Variants in ITPR2 observed in about 807,000 individuals in gnomAD.
ITPR2 encodes the protein inositol 1,4,5-trisphosphate-gated calcium channel ITPR2.
A neutral mutation model predicts 317.1 loss-of-function variants in ITPR2; 207 were observed. That is an observed-to-expected ratio of 0.65 (90% CI 0.58 to 0.73). The LOEUF (loss-of-function observed/expected upper bound fraction) is 0.73, where lower values mean the gene tolerates loss of function less well. Among genes scored for constraint, ITPR2 ranks in the 30% least tolerant of loss-of-function variants. The pLI is 0.00. For missense variants in ITPR2, 2,613 were observed against 3,284.0 expected, an observed-to-expected ratio of 0.80 and a Z score of 4.99; for synonymous variants, 1,156 against 1,149.1, an observed-to-expected ratio of 1.01 and a Z score of -0.12.
chr12:26,341,551 A>G (rs1208618331), intron 55 of ITPR2, among the ~76,000 whole-genome samples: 1 of 152,142 alleles, frequency 6.6e-6, no homozygotes, highest in East Asian at 1.9e-4. Flanking sequence ...ATAGTTCCCT[A>G]CCCCCAATGG....
chr12:26,342,602 T>TTTTG (rs555336392), intron 55 of ITPR2, among the ~76,000 whole-genome samples: 8 of 151,762 alleles, frequency 5.3e-5, no homozygotes, highest in African/African-American at 1.5e-4. Context: ...TGTTTTTGTT[T>TTTTG]TTTGTTTGTT....
chr12:26,585,352 A>C (rs775131593), intron 32 of ITPR2, among the ~76,000 whole-genome samples: 2 of 152,214 alleles, frequency 1.3e-5, no homozygotes, highest in African/African-American at 2.4e-5. Context: ...GATATATAAT[A>C]ATTTATTTAA....
intron 5 of ITPR2, among the ~76,000 whole-genome samples, chr12:26,717,441 C>A (rs539612008): frequency 1.3e-3 from 195 of 152,322 alleles, no homozygotes; most frequent in Non-Finnish European, 2.3e-3. Context: ...AGCTCACCAA[C>A]CAAACAAAGA....
intron 45 of ITPR2, among the ~76,000 whole-genome samples, chr12:26,466,258 TG>T (rs1311885195): frequency 2.0e-5 from 3 of 152,256 alleles, no homozygotes; most frequent in African/African-American, 7.2e-5. Context: ...TTCTGCAGAA[TG>T]GTTCTGTCCA....
At chr12:26,788,334 T>A (rs904069473) in intron 2 of ITPR2, among the ~76,000 whole-genome samples, 1 of 152,206 alleles carries the variant, frequency 6.6e-6, no homozygotes, top group African/African-American at 2.4e-5. Flanking sequence ...TCTACTCCCA[T>A]TAGCCAATGA....
At chr12:26,340,978 T>C (rs549312675) in intron 55 of ITPR2, among the ~76,000 whole-genome samples, 50 of 152,232 alleles carry the variant, frequency 3.3e-4, no homozygotes, top group African/African-American at 1.2e-3. Flanking sequence ...GCAGCCTGGG[T>C]GTATGTAGGT....
At chr12:26,537,259 G>A (rs1944122743) in intron 37 of ITPR2, among the ~76,000 whole-genome samples, 1 of 152,190 alleles carries the variant, frequency 6.6e-6, no homozygotes, top group Non-Finnish European at 1.5e-5. Context: ...AAGAGAGTGG[G>A]CAGTGGGCCT....
intron 2 of ITPR2, among the ~76,000 whole-genome samples, chr12:26,778,388 G>A (rs1320806776): frequency 6.6e-6 from 1 of 152,234 alleles, no homozygotes. Flanking sequence ...CTTAGAGAAT[G>A]ACAGTGGATT....
intron 37 of ITPR2, among the ~76,000 whole-genome samples, chr12:26,518,874 T>G (rs902904119): frequency 2.0e-5 from 3 of 152,090 alleles, no homozygotes; most frequent in African/African-American, 4.8e-5. Flanking sequence ...AAAAATTAAA[T>G]GATCACAAGA....
At chr12:26,369,775 G>T (rs1939128222) in intron 55 of ITPR2, among the ~76,000 whole-genome samples, 1 of 152,172 alleles carries the variant, frequency 6.6e-6, no homozygotes, top group African/African-American at 2.4e-5. Context: ...CAGGAGAGAG[G>T]CTGGTCACCA....
At chr12:26,562,437 G>A (rs746298164) in intron 34 of ITPR2, among the ~76,000 whole-genome samples, 12 of 152,260 alleles carry the variant, frequency 7.9e-5, no homozygotes, top group East Asian at 1.9e-4. Flanking sequence ...CACTCTTCCC[G>A]AGATCTGCTC....
chr12:26,593,522 G>A (rs956492046), intron 32 of ITPR2, among the ~76,000 whole-genome samples: 1 of 152,180 alleles, frequency 6.6e-6, no homozygotes, highest in South Asian at 2.1e-4. Context: ...GGTGATTCCT[G>A]TCAACCCTGG....
intron 2 of ITPR2, among the ~76,000 whole-genome samples, chr12:26,738,097 T>C (rs1418049661): frequency 6.6e-6 from 1 of 152,182 alleles, no homozygotes; most frequent in Non-Finnish European, 1.5e-5. Context: ...TGATAGAAGC[T>C]TTACACAGAT....
At chr12:26,578,925 A>G (rs1303609861) in intron 33 of ITPR2, 92 bp from the exon 34 acceptor site, 17 of 1,236,924 alleles carry the variant, frequency 1.4e-5, no homozygotes, top group South Asian at 1.7e-5. Context: ...GTTCATCAAA[A>G]TAAAATAAAA....
chr12:26,575,887 T>C (rs1251887255), intron 34 of ITPR2, among the ~76,000 whole-genome samples: 68 of 152,200 alleles, frequency 4.5e-4, no homozygotes. Flanking sequence ...TCTTTTTCTC[T>C]CAATGTATAC....
intron 2 of ITPR2, among the ~76,000 whole-genome samples, chr12:26,733,085 A>C (rs1384212699): frequency 6.6e-6 from 1 of 151,496 alleles, no homozygotes; most frequent in Non-Finnish European, 1.5e-5. Flanking sequence ...TAATCCCAGC[A>C]CTTTGGGAGG....
At chr12:26,796,998 C>T (rs1198209727) in intron 1 of ITPR2, among the ~76,000 whole-genome samples, 2 of 152,156 alleles carry the variant, frequency 1.3e-5, no homozygotes, top group Non-Finnish European at 2.9e-5. Flanking sequence ...TATCACGCCA[C>T]TGCCCTCTAG....
chr12:26,444,463 TC>T (rs147217686), intron 45 of ITPR2, among the ~76,000 whole-genome samples: 1,963 of 152,266 alleles, frequency 0.013, 39 homozygotes, highest in African/African-American at 0.045. Context: ...ACTCTTTCAC[TC>T]CCAGCACAAT....
intron 9 of ITPR2, among the ~76,000 whole-genome samples, chr12:26,701,916 C>T (rs948967441): frequency 2.0e-5 from 3 of 152,118 alleles, no homozygotes; most frequent in Non-Finnish European, 4.4e-5. Context: ...ATCTATATTG[C>T]TTTGGAAAGA....
Sources: gnomAD v4.1 joint callset for allele counts (sites outside exome capture counted in the v4.1 genomes callset) on GRCh38, gnomAD v4.1.1 for gene constraint, MANE v1.5 for transcripts, NCBI Gene and HGNC (gene_info 2026-07-23, HGNC 2026-07-21) for gene names.